NRXN3: variants seen among roughly 807,000 people sequenced by gnomAD.
The protein encoded by NRXN3 is neurexin III.
Under a neutral mutation model 137.6 loss-of-function variants are expected in NRXN3, and 32 were observed. The ratio of observed to expected loss-of-function variants is 0.23; its 90% CI spans 0.18 to 0.31. NRXN3 has a LOEUF of 0.31. NRXN3 is among the 10% of genes least tolerant of loss of function. The probability of loss-of-function intolerance (pLI) is 1.00; values close to 1 mark genes in which losing one functional copy is unlikely to be tolerated. For missense variants in NRXN3, 1,574 were observed against 2,062.5 expected, an observed-to-expected ratio of 0.76 and a Z score of 4.59; for synonymous variants, 798 against 784.5, an observed-to-expected ratio of 1.02 and a Z score of -0.29.
At chr14:78,328,970 G>A (rs2080448351) in intron 4 of NRXN3, among the ~76,000 whole-genome samples, 1 of 152,122 alleles carries the variant, frequency 6.6e-6, no homozygotes, top group Non-Finnish European at 1.5e-5. Context: ...CTCCATCACA[G>A]CTTTAAAAAA....
At chr14:79,426,984 G>A (rs2095663379) in intron 15 of NRXN3, among the ~76,000 whole-genome samples, 1 of 152,096 alleles carries the variant, frequency 6.6e-6, no homozygotes, top group South Asian at 2.1e-4. Context: ...GTGACATTGA[G>A]CATTTTAGTA....
rs529341027 is a variant in NRXN3, at chr14:78,438,961, G to A, written c.757+141101G>A. 7.2e-5 allele frequency among the ~76,000 whole-genome samples: 11 copies of A among 152,086 alleles called. No homozygotes were observed. The South Asian group carries it at 2.1e-3, about 29-fold the overall frequency. On this transcript the variant is annotated intron_variant, in intron 4 of 20. Transcript: ENST00000335750. The stretch of plus-strand genomic sequence containing the variant: ...TGTCTTTTGCCACCAGTAGAGTAAT[G>A]GGGGATGGAGCCAGGGAGGGAATGA...
intron 10 of NRXN3, among the ~76,000 whole-genome samples, chr14:78,931,435 C>T (rs753429709): frequency 6.6e-6 from 1 of 151,918 alleles, no homozygotes; most frequent in Admixed American, 6.6e-5. Flanking sequence ...AATTTCCATG[C>T]GATAATGATA....
At chr14:78,467,281 T>C (rs1220298721) in intron 4 of NRXN3, among the ~76,000 whole-genome samples, 1 of 152,212 alleles carries the variant, frequency 6.6e-6, no homozygotes, top group Non-Finnish European at 1.5e-5. Flanking sequence ...TGTTAAATTG[T>C]TTCTATTATA....
chr14:78,907,256 A>G (rs1399489273), intron 10 of NRXN3, among the ~76,000 whole-genome samples: 1 of 152,010 alleles, frequency 6.6e-6, no homozygotes, highest in Non-Finnish European at 1.5e-5. Context: ...GGTGCTCTTC[A>G]TAAACATATG....
intron 10 of NRXN3, among the ~76,000 whole-genome samples, chr14:78,824,013 T>C (rs2153137906): frequency 6.6e-6 from 1 of 151,862 alleles, no homozygotes; most frequent in Middle Eastern, 3.4e-3. Flanking sequence ...ACTGATTAAC[T>C]GTCACATCAA....
chr14:78,813,419 G>A (rs1424725484), intron 10 of NRXN3, among the ~76,000 whole-genome samples: 1 of 152,120 alleles, frequency 6.6e-6, no homozygotes, highest in African/African-American at 2.4e-5. Flanking sequence ...TGCACCCTGG[G>A]TTTGAGGGAG....
chr14:78,991,157 A>G (rs1477675948), intron 15 of NRXN3, among the ~76,000 whole-genome samples: 1 of 152,168 alleles, frequency 6.6e-6, no homozygotes, highest in Non-Finnish European at 1.5e-5. Context: ...CTCATGGAGG[A>G]GGAAGAATAA....
chr14:79,663,748 A>G, intron 16 of NRXN3, 30 bp from the exon 17 acceptor site: 1 of 1,603,222 alleles, frequency 6.2e-7, no homozygotes, highest in Non-Finnish European at 8.5e-7. Flanking sequence ...GGTTGGTGAT[A>G]ACTATGCCTT....
intron 16 of NRXN3, among the ~76,000 whole-genome samples, chr14:79,633,620 G>C (rs959351747): frequency 1.3e-5 from 2 of 152,128 alleles, no homozygotes; most frequent in African/African-American, 2.4e-5. Context: ...CACCTCTTCT[G>C]TTCTGCTCTT....
In NRXN3 at chr14:78,968,680, CTT is replaced by C. The variant is rs1386013804; in HGVS notation, c.3142+337_3142+338del. On this transcript the variant is annotated intron_variant, in intron 14 of 20. Transcript: ENST00000335750. ...AGAATGGCTGAAACAGCACTGGAGA[CTT>C]TTATTTATACTTTAATACATGATGA... Among the ~76,000 whole-genome samples the C allele has an allele frequency of 3.3e-5, 5 of 152,280 alleles. No individual in the cohort carries two copies. The South Asian group carries it at 6.2e-4, about 19-fold the overall frequency.
At chr14:79,107,386 G>A (rs1169346913) in intron 15 of NRXN3, among the ~76,000 whole-genome samples, 3 of 152,118 alleles carry the variant, frequency 2.0e-5, no homozygotes, top group Non-Finnish European at 2.9e-5. Flanking sequence ...GGTGAAAGTG[G>A]CATCAACAAA....
At chr14:78,472,498 G>A (rs1297414391) in intron 4 of NRXN3, among the ~76,000 whole-genome samples, 1 of 152,202 alleles carries the variant, frequency 6.6e-6, no homozygotes, top group East Asian at 1.9e-4. Context: ...TCTGGCAGGA[G>A]CAGTGTCATT....
chr14:78,918,839 T>C (rs2099263663), intron 10 of NRXN3, among the ~76,000 whole-genome samples: 2 of 152,288 alleles, frequency 1.3e-5, no homozygotes, highest in African/African-American at 4.8e-5. Flanking sequence ...GCATACCATA[T>C]AGTTCAGGTG....
At chr14:79,690,416 A>AT (rs1343261720) in intron 17 of NRXN3, among the ~76,000 whole-genome samples, 1 of 151,778 alleles carries the variant, frequency 6.6e-6, no homozygotes. Flanking sequence ...TGCCCTCTCC[A>AT]TTTTTTTCTA....
At chr14:79,750,156 C>A (rs916233002) in intron 19 of NRXN3, among the ~76,000 whole-genome samples, 1 of 152,106 alleles carries the variant, frequency 6.6e-6, no homozygotes, top group Non-Finnish European at 1.5e-5. Context: ...ATCTCAAATG[C>A]TTCTATTCTG....
chr14:78,771,743 G>A (rs1174990947), intron 8 of NRXN3, among the ~76,000 whole-genome samples: 1 of 152,174 alleles, frequency 6.6e-6, no homozygotes, highest in Non-Finnish European at 1.5e-5. Context: ...TTTTTAGTTT[G>A]TCTGTAACAC....
intron 17 of NRXN3, among the ~76,000 whole-genome samples, chr14:79,664,480 T>C (rs2098548741): frequency 6.6e-6 from 1 of 152,154 alleles, no homozygotes; most frequent in East Asian, 1.9e-4. Context: ...CTAGTTTTTA[T>C]TTTCTCACTT....
At chr14:79,857,189 C>A (rs1320625863) in intron 20 of NRXN3, among the ~76,000 whole-genome samples, 3 of 151,012 alleles carry the variant, frequency 2.0e-5, no homozygotes, top group Non-Finnish European at 2.9e-5. Context: ...AAACAAGAAG[C>A]TTTGAATAGC....
Sources: allele counts gnomAD v4.1 joint callset (sites outside exome capture counted in the v4.1 genomes callset), GRCh38; gene constraint gnomAD v4.1.1; transcripts MANE v1.5; gene names NCBI Gene and HGNC (gene_info 2026-07-23, HGNC 2026-07-21).